The following ANP32B variants were observed in gnomAD, a reference collection of about 807,000 sequenced individuals.
ANP32B encodes the protein acidic leucine-rich nuclear phosphoprotein 32 family member B.
ANP32B carries 6 observed loss-of-function variants against 32.2 expected under a neutral mutation model. That is an observed-to-expected ratio of 0.19 (90% CI 0.10 to 0.37). The LOEUF (loss-of-function observed/expected upper bound fraction) is 0.37. Among genes scored for constraint, ANP32B ranks in the 10% least tolerant of loss-of-function variants. The pLI is 1.00. For missense variants in ANP32B, 204 were observed against 289.2 expected (o/e 0.71, Z 2.14); for synonymous variants, 98 against 105.8 (o/e 0.93, Z 0.45).
chr9:98,015,334 G>C, intron 6 of ANP32B, 30 bp from the exon 7 acceptor site: 1 of 1,549,782 alleles, frequency 6.5e-7, no homozygotes, highest in South Asian at 1.2e-5. Flanking sequence ...CCTTTCCACT[G>C]TCCTAAAGTC....
At chr9:98,013,839 G>C (rs1036429679) in intron 6 of ANP32B, among the ~76,000 whole-genome samples, 1 of 151,700 alleles carries the variant, frequency 6.6e-6, no homozygotes, top group Non-Finnish European at 1.5e-5. Flanking sequence ...CTGGACAACA[G>C]AGCAAGACTC....
intron 3 of ANP32B, among the ~76,000 whole-genome samples, chr9:97,999,713 G>GT (rs1827959069): frequency 6.6e-6 from 1 of 152,152 alleles, no homozygotes; most frequent in Admixed American, 6.5e-5. Context: ...ACTTTGCTTT[G>GT]TAAGTTAATG....
Position 97,998,622 on chromosome 9 carries a change from A to T in ANP32B, c.271A>T (p.Thr91Ser). The part of the protein sequence containing the change: ...DMLAEKLPNL[T>S]HLNLSGNKLK... ...GTTAGCTGAAAAACTTCCAAATCTC[A>T]CACATCTAAACTTAAGTGGAAATAA... is the stretch of plus-strand genomic sequence containing the variant. The change falls in exon 3 of 7, where the codon ACA (threonine) becomes TCA (serine). Residue 91 changes from threonine (T) to serine (S), a missense_variant. Coordinates refer to ENST00000339399, the MANE Select transcript of ANP32B (RefSeq NM_006401.3). The T allele has an allele frequency of 6.2e-7, 1 of 1,612,306 alleles. No individual in the cohort carries two copies. The highest frequency in any genetic ancestry group is 8.5e-7 in the Non-Finnish European group (1 of 1,179,336).
chr9:98,014,265 G>A (rs1828237060), intron 6 of ANP32B, among the ~76,000 whole-genome samples: 1 of 151,864 alleles, frequency 6.6e-6, no homozygotes, highest in Non-Finnish European at 1.5e-5. Flanking sequence ...AAAATTAGCC[G>A]GGTGTGGTGG....
At position 97,983,484 on chromosome 9, in the gene ANP32B, A is replaced by G; in HGVS notation, c.-72A>G. The G allele has an allele frequency of 7.2e-7, 1 of 1,385,166 alleles. No individual in the cohort carries two copies. Among genetic ancestry groups the G allele is most frequent in the Non-Finnish European group, 9.9e-7 (1 of 1,009,370 alleles). The allele number at this position is 1,385,166 out of a possible 1,614,324, so 85.8% of individuals were successfully genotyped here. A position where few individuals can be genotyped will look rare whatever the true frequency, so the allele number is the denominator to read the frequency against. ...ACCCTTCCGACGGCCCTCGCTGCGCAAGCCGGGACGCCTCTCCCCCCTCCG... is the reference window on the plus strand; with the variant it reads ...ACCCTTCCGACGGCCCTCGCTGCGCGAGCCGGGACGCCTCTCCCCCCTCCG... On this transcript the variant is annotated 5_prime_UTR_variant, in exon 1 of 7. Coordinates refer to ENST00000339399, the MANE Select transcript of ANP32B (RefSeq NM_006401.3).
intron 1 of ANP32B, among the ~76,000 whole-genome samples, chr9:97,989,735 T>A (rs1827793003): frequency 1.3e-5 from 2 of 152,130 alleles, no homozygotes; most frequent in Admixed American, 6.5e-5. Flanking sequence ...AGCTGTTATC[T>A]CCTTTGCAAG....
intron 3 of ANP32B, among the ~76,000 whole-genome samples, chr9:98,003,163 G>A (rs565721290): frequency 5.9e-5 from 9 of 152,294 alleles, no homozygotes; most frequent in East Asian, 5.8e-4. Context: ...TTCTTAAAAC[G>A]TCAAGGAACT....
In ANP32B at chr9:98,005,053, G is replaced by C. The variant is rs1230426147; in HGVS notation, c.417G>C (p.Leu139=). 1 of 1,614,022 alleles carries C rather than the reference G, an allele frequency of 6.2e-7. No homozygotes were observed. Among genetic ancestry groups the C allele is most frequent in the Non-Finnish European group, 8.5e-7 (1 of 1,179,990 alleles). ...ACCGAGAGAGTGTCTTCAAGCTCCT[G>C]CCCCAGCTTACCTACTTGGATGGCT... is the stretch of plus-strand genomic sequence containing the variant. ...NDYRESVFKL[L]PQLTYLDGYD... The change falls in exon 4 of 7, where the codon CTG becomes CTC. Residue 139 remains leucine (L), a synonymous_variant. Coordinates refer to ENST00000339399, the MANE Select transcript of ANP32B (RefSeq NM_006401.3).
intron 1 of ANP32B, among the ~76,000 whole-genome samples, chr9:97,990,526 A>T (rs1399470707): frequency 6.6e-6 from 1 of 152,118 alleles, no homozygotes; most frequent in African/African-American, 2.4e-5. Flanking sequence ...TTGGGGTGGC[A>T]TGTTTCTTTA....
At chr9:97,986,313 T>A (rs1347568984) in intron 1 of ANP32B, among the ~76,000 whole-genome samples, 4 of 152,258 alleles carry the variant, frequency 2.6e-5, no homozygotes, top group Non-Finnish European at 5.9e-5. Context: ...AGTAAACATT[T>A]TAAGCCTGAG....
intron 1 of ANP32B, among the ~76,000 whole-genome samples, chr9:97,990,261 C>T (rs781065023): frequency 5.3e-5 from 8 of 152,214 alleles, no homozygotes; most frequent in South Asian, 2.1e-4. Flanking sequence ...CATGTAAATA[C>T]ACTTTTTCTG....
intron 3 of ANP32B, 103 bp downstream of exon 3, chr9:97,998,781 G>C: frequency 1.8e-6 from 1 of 566,062 alleles, no homozygotes; most frequent in South Asian, 3.1e-5. Context: ...GGTTGAGAAA[G>C]TGGTGGCTTT....
chr9:98,009,562 C>T (rs548934284), intron 4 of ANP32B, among the ~76,000 whole-genome samples: 6 of 152,218 alleles, frequency 3.9e-5, no homozygotes, highest in East Asian at 1.9e-4. Context: ...CCCTCACATG[C>T]GCAGTTCACA....
intron 6 of ANP32B, among the ~76,000 whole-genome samples, chr9:98,013,155 T>A (rs1828216658): frequency 6.6e-6 from 1 of 152,212 alleles, no homozygotes; most frequent in Non-Finnish European, 1.5e-5. Context: ...CCTCAGTAGC[T>A]GGGATTACAG....
intron 1 of ANP32B, among the ~76,000 whole-genome samples, chr9:97,991,056 A>C (rs569400472): frequency 1.3e-5 from 2 of 151,486 alleles, no homozygotes; most frequent in Non-Finnish European, 2.9e-5. Flanking sequence ...TCCTGACCTC[A>C]GGTGATCTGC....
At chr9:97,984,019 C>T (rs1025100669) in intron 1 of ANP32B, among the ~76,000 whole-genome samples, 2 of 149,796 alleles carry the variant, frequency 1.3e-5, no homozygotes, top group African/African-American at 4.9e-5. Flanking sequence ...CGGCCATCCC[C>T]GCCTGGGCCA....
intron 1 of ANP32B, among the ~76,000 whole-genome samples, chr9:97,988,308 CCAT>C (rs1405623652): frequency 1.3e-5 from 2 of 150,706 alleles, no homozygotes; most frequent in Non-Finnish European, 3.0e-5. Flanking sequence ...ATTTTTTTTT[CCAT>C]CTGCCAGATT....
At chr9:97,991,441 A>G (rs182719986) in intron 1 of ANP32B, among the ~76,000 whole-genome samples, 2 of 152,012 alleles carry the variant, frequency 1.3e-5, no homozygotes, top group African/African-American at 2.4e-5. Flanking sequence ...AGTGTTGGCT[A>G]TTTGTGTCTT....
At chr9:98,006,589 A>G (rs892214831) in intron 4 of ANP32B, among the ~76,000 whole-genome samples, 5 of 152,338 alleles carry the variant, frequency 3.3e-5, no homozygotes, top group East Asian at 3.9e-4. Flanking sequence ...GAAAATACCA[A>G]GAGTGCTACT....
Sources: allele counts gnomAD v4.1 joint callset (sites outside exome capture counted in the v4.1 genomes callset), GRCh38; gene constraint gnomAD v4.1.1; transcripts MANE v1.5; gene names NCBI Gene and HGNC (gene_info 2026-07-23, HGNC 2026-07-21).